DEGS2: variants seen among roughly 807,000 people sequenced by gnomAD.
The protein encoded by DEGS2 is delta 4-desaturase, sphingolipid 2, also known as sphingolipid delta(4)-desaturase/C4-monooxygenase DES2.
In DEGS2, 19 loss-of-function variants were observed where a neutral mutation model predicts 23.8. The ratio of observed to expected loss-of-function variants is 0.80; its 90% CI spans 0.56 to 1.17. The LOEUF (loss-of-function observed/expected upper bound fraction) is 1.17. Ranked by LOEUF, DEGS2 falls within the 50% of genes most tolerant of loss-of-function variation. The pLI is 0.00. For synonymous variants in DEGS2, 218 were observed against 213.7 expected, an observed-to-expected ratio of 1.02 and a Z score of -0.18; for missense variants, 390 against 459.5, an observed-to-expected ratio of 0.85 and a Z score of 1.38.
intron 2 of DEGS2, 145 bp downstream of exon 2, chr14:100,148,822 TG>T (rs1398144476): frequency 1.0e-6 from 1 of 961,614 alleles, no homozygotes; most frequent in Non-Finnish European, 1.5e-6. Flanking sequence ...CCTCCTGCCC[TG>T]GGGACAAGTG....
At chr14:100,147,366 C>T (rs530711168) in intron 2 of DEGS2, among the ~76,000 whole-genome samples, 5 of 152,192 alleles carry the variant, frequency 3.3e-5, no homozygotes, top group African/African-American at 4.8e-5. Flanking sequence ...GCAGCGCCTG[C>T]GCAGTGCTGA....
At chr14:100,164,481 C>CA (rs961025775), upstream of DEGS2, among the ~76,000 whole-genome samples, 1 of 151,904 alleles carries the variant, frequency 6.6e-6, no homozygotes, top group African/African-American at 2.4e-5. Context: ...ACTAAAAATA[C>CA]AAAAAATTAG....
chr14:100,157,814 G>A (rs114761881), intron 1 of DEGS2, among the ~76,000 whole-genome samples: 1,951 of 152,292 alleles, frequency 0.013, 45 homozygotes, highest in African/African-American at 0.044. Context: ...TTGGCTGGGC[G>A]CAGTGGCTCA....
chr14:100,152,881 A>G (rs1030895921), intron 1 of DEGS2, among the ~76,000 whole-genome samples: 1 of 149,118 alleles, frequency 6.7e-6, no homozygotes, highest in African/African-American at 2.5e-5. Flanking sequence ...CCCCTCTTCG[A>G]ATGGATGGAT....
the DEGS2 span, among the ~76,000 whole-genome samples, chr14:100,165,903 C>A: frequency 1.5e-5 from 2 of 133,730 alleles, no homozygotes; most frequent in Non-Finnish European, 3.2e-5. Flanking sequence ...GCGAAGGAGG[C>A]CCCCTGAAGT....
chr14:100,146,673 C>T lies in DEGS2; in HGVS notation c.*88G>A, dbSNP rs1399039259. 15 of 1,543,194 alleles carry T rather than the reference C, an allele frequency of 9.7e-6. No individual in the cohort carries two copies. In the South Asian group the frequency reaches 1.6e-4, roughly 17 times the overall value. On this transcript the variant is annotated 3_prime_UTR_variant, in exon 3 of 3. Transcript: ENST00000305631. ...GGGACAAGGGCAGCAGTCCAGAGCA[C>T]AGGAAGGAAATGTAGCTTCTCAGTG...
Position 100,149,023 on chromosome 14 carries a change from C to T in DEGS2, c.770G>A (p.Gly257Asp). ...GAAGTCGTGGTGCTCCACGTGGTAGCCCACATTGAAGGTGATCCAGTTGAG... is the reference window on the plus strand; with the variant it reads ...GAAGTCGTGGTGCTCCACGTGGTAGTCCACATTGAAGGTGATCCAGTTGAG... ...GPLNWITFNV[G>D]YHVEHHDFPS... is the part of the protein sequence containing the mutation. Residue 257 changes from glycine (G) to aspartate (D), a missense_variant, in exon 2 of 3, where the codon GGC (glycine) becomes GAC (aspartate). By Grantham distance (94) the Gly-to-Asp change is moderately conservative. Transcript: ENST00000305631. 1 of 1,612,842 alleles carries T rather than the reference C, an allele frequency of 6.2e-7. No homozygotes were observed. Among genetic ancestry groups the T allele is most frequent in the Non-Finnish European group, 8.5e-7 (1 of 1,179,980 alleles).
At chr14:100,155,661 C>G (rs1401213316) in intron 1 of DEGS2, 1 of 152,252 alleles carries the variant, frequency 6.6e-6, no homozygotes, top group Admixed American at 6.5e-5. Flanking sequence ...CCTTGTGGCT[C>G]TGGCAGTTTG....
chr14:100,148,867 AGAGGCT>A, intron 2 of DEGS2, 95 bp downstream of exon 2: 1 of 1,356,650 alleles, frequency 7.4e-7, no homozygotes, highest in South Asian at 1.4e-5. Context: ...ACAAAAAGGG[AGAGGCT>A]GCTGGGCATG....
In DEGS2 at chr14:100,146,883, A is replaced by C; in HGVS notation, c.850T>G (p.Tyr284Asp). 1.2e-6 allele frequency: 2 copies of C among 1,613,476 alleles called. No individual in the cohort carries two copies. Among genetic ancestry groups the C allele is most frequent in the Non-Finnish European group, 1.7e-6 (2 of 1,179,828 alleles). Residue 284 changes from tyrosine (Y) to aspartate (D), a missense_variant, in exon 3 of 3, where the codon TAC (tyrosine) becomes GAC (aspartate). Transcript: ENST00000305631. ...GAGTGGTGCTGCGGCAGGTGGTCGT[A>C]GTACTCGGGCGCGATCTTCCGCACC... ...PLVRKIAPEY[Y>D]DHLPQHHSWV...
rs1312647377 is a variant in DEGS2, at chr14:100,145,616, G to A, written c.*1145C>T. 2.0e-5 allele frequency: 3 copies of A among 152,202 alleles called. No individual in the cohort carries two copies. Among genetic ancestry groups the A allele is most frequent in the Admixed American group, 2.0e-4 (3 of 15,282 alleles). 9.4% of individuals were successfully genotyped at this position (152,202 alleles called of 1,614,324 possible). A position where few individuals can be genotyped will look rare whatever the true frequency, so the allele number is the denominator to read the frequency against. ...CTGAGGCCGCCTTCCCCAAGGCAGT[G>A]GTGGGAGCTGCATCCACTGCTGGAT... On this transcript the variant is annotated 3_prime_UTR_variant, in exon 3 of 3. Transcript: ENST00000305631.
intron 1 of DEGS2, among the ~76,000 whole-genome samples, chr14:100,154,845 GC>G (rs1566742704): frequency 6.6e-6 from 1 of 152,058 alleles, no homozygotes; most frequent in Non-Finnish European, 1.5e-5. Context: ...CAGAGACAGG[GC>G]CCCCCCACGC....
chr14:100,164,547 G>A (rs1401272286), upstream of DEGS2, among the ~76,000 whole-genome samples: 1 of 152,148 alleles, frequency 6.6e-6, no homozygotes, highest in African/African-American at 2.4e-5. Context: ...TGAGGCAGGA[G>A]AATCACTTGT....
Position 100,153,288 on chromosome 14 carries a change from TAGATA to T in DEGS2, c.83-3583_83-3579del, listed in dbSNP as rs201750009. Among the ~76,000 whole-genome samples the T allele has an allele frequency of 7.3e-3, 966 of 131,722 alleles. 56 individuals carry two copies. The East Asian group carries it at 0.16, about 21-fold the overall frequency. 86.4% of individuals were successfully genotyped at this position (131,722 alleles called of 152,430 possible). On this transcript the variant is annotated intron_variant, in intron 1 of 2. Coordinates refer to ENST00000305631, the MANE Select transcript of DEGS2 (RefSeq NM_206918.3). Reference sequence around the variant, plus strand: ...ATAGATAGATAGATAGATAGATAGATAGATAGATAGATAGATAATAGATGTGAGAG... The same window carrying T: ...ATAGATAGATAGATAGATAGATAGATGATAGATAGATAATAGATGTGAGAG...
At chr14:100,154,427 G>A (rs946636292) in intron 1 of DEGS2, among the ~76,000 whole-genome samples, 1 of 151,924 alleles carries the variant, frequency 6.6e-6, no homozygotes, top group Non-Finnish European at 1.5e-5. Context: ...CCTTGGGCAA[G>A]CCCCTGTCCC....
intron 1 of DEGS2, among the ~76,000 whole-genome samples, chr14:100,151,455 G>A (rs1347513009): frequency 3.9e-5 from 6 of 152,334 alleles, no homozygotes; most frequent in South Asian, 4.1e-4. Context: ...CAGATGCAGG[G>A]AGCCCCAGGT....
chr14:100,158,899 A>C (rs923373993), intron 1 of DEGS2, among the ~76,000 whole-genome samples: 1 of 152,256 alleles, frequency 6.6e-6, no homozygotes, highest in African/African-American at 2.4e-5. Context: ...ACGAAGCAAC[A>C]AGGAAAACAG....
At position 100,149,371 on chromosome 14, in the gene DEGS2, T is replaced by G; in HGVS notation, c.422A>C (p.Asp141Ala). ...HHRYLGGDGL[D>A]VDVPTRLEGW... The stretch of plus-strand genomic sequence containing the variant: ...CTCCAGACGCGTGGGCACGTCCACG[T>G]CCAGCCCGTCGCCGCCCAGGTAGCG... The change falls in exon 2 of 3, where the codon GAC (aspartate) becomes GCC (alanine). Residue 141 changes from aspartate (D) to alanine (A), a missense_variant. By Grantham distance (126) the Asp-to-Ala change is moderately radical. Coordinates refer to ENST00000305631, the MANE Select transcript of DEGS2 (RefSeq NM_206918.3). 6.2e-7 allele frequency: 1 copy of G among 1,606,548 alleles called. No individual in the cohort carries two copies. Among genetic ancestry groups the G allele is most frequent in the Non-Finnish European group, 8.5e-7 (1 of 1,175,758 alleles).
upstream of DEGS2, among the ~76,000 whole-genome samples, chr14:100,164,221 C>T (rs113861100): frequency 0.062 from 9,477 of 152,144 alleles, 625 homozygotes; most frequent in African/African-American, 0.16. Context: ...GGGTGAGCCC[C>T]CGCGCCCAGC....
Sources: gnomAD v4.1 joint callset for allele counts (sites outside exome capture counted in the v4.1 genomes callset) on GRCh38, gnomAD v4.1.1 for gene constraint, MANE v1.5 for transcripts, NCBI Gene and HGNC (gene_info 2026-07-23, HGNC 2026-07-21) for gene names.